The following PLCXD3 variants were observed in gnomAD, a reference collection of about 807,000 sequenced individuals.
PLCXD3 encodes phosphatidylinositol specific phospholipase C X domain containing 3.
PLCXD3 carries 19 observed loss-of-function variants against 25.5 expected under a neutral mutation model. The ratio of observed to expected loss-of-function variants is 0.75; its 90% CI spans 0.52 to 1.09. PLCXD3 has a LOEUF of 1.09. Ranked by LOEUF, PLCXD3 falls within the 50% of genes least tolerant of loss-of-function variation. PLCXD3 has a pLI of 0.00. For synonymous variants in PLCXD3, 174 were observed against 137.6 expected (o/e 1.26, Z -1.85); for missense variants, 411 against 388.1 (o/e 1.06, Z -0.50).
At chr5:41,484,037 T>G (rs961526178) in intron 1 of PLCXD3, among the ~76,000 whole-genome samples, 1 of 152,018 alleles carries the variant, frequency 6.6e-6, no homozygotes, top group African/African-American at 2.4e-5. Context: ...TGTAAGAAAA[T>G]GGAAGCAAAA....
chr5:41,410,552 C>T (rs1372372443), intron 1 of PLCXD3, among the ~76,000 whole-genome samples: 1 of 152,134 alleles, frequency 6.6e-6, no homozygotes. Flanking sequence ...ACACATGTGC[C>T]GTTTCAGATT....
intron 1 of PLCXD3, among the ~76,000 whole-genome samples, chr5:41,436,593 T>C (rs984299230): frequency 6.6e-6 from 1 of 152,152 alleles, no homozygotes; most frequent in African/African-American, 2.4e-5. Context: ...AAATTCCAAC[T>C]ATTGCAGCCC....
chr5:41,392,826 G>GT (rs1745876028), intron 1 of PLCXD3, among the ~76,000 whole-genome samples: 1 of 152,084 alleles, frequency 6.6e-6, no homozygotes, highest in South Asian at 2.1e-4. Context: ...ACACAGAGAC[G>GT]AAATTCAGAA....
At chr5:41,465,613 A>G (rs141733379) in intron 1 of PLCXD3, among the ~76,000 whole-genome samples, 1 of 151,800 alleles carries the variant, frequency 6.6e-6, no homozygotes, top group Non-Finnish European at 1.5e-5. Flanking sequence ...GAATAAAAGA[A>G]CTTGAGGTTG....
chr5:41,399,316 A>G (rs1561260866), intron 1 of PLCXD3, among the ~76,000 whole-genome samples: 1 of 152,208 alleles, frequency 6.6e-6, no homozygotes, highest in South Asian at 2.1e-4. Context: ...AATACTAATG[A>G]CATTCTTCAC....
At chr5:41,393,645 C>A (rs1290796598) in intron 1 of PLCXD3, among the ~76,000 whole-genome samples, 1 of 152,054 alleles carries the variant, frequency 6.6e-6, no homozygotes, top group African/African-American at 2.4e-5. Context: ...GGTGGCTGGG[C>A]ACGGTGGCTC....
At chr5:41,451,277 A>G (rs1747624799) in intron 1 of PLCXD3, among the ~76,000 whole-genome samples, 1 of 152,062 alleles carries the variant, frequency 6.6e-6, no homozygotes, top group East Asian at 1.9e-4. Context: ...CAAAAGTAGA[A>G]TGTTTTATAA....
chr5:41,335,290 C>T (rs753223309), intron 2 of PLCXD3, among the ~76,000 whole-genome samples: 1 of 152,108 alleles, frequency 6.6e-6, no homozygotes, highest in Non-Finnish European at 1.5e-5. Context: ...TTGCTTGGAG[C>T]AAATATCTCA....
intron 1 of PLCXD3, among the ~76,000 whole-genome samples, chr5:41,404,539 A>C (rs568952657): frequency 6.6e-6 from 1 of 152,278 alleles, no homozygotes; most frequent in Admixed American, 6.5e-5. Context: ...AAGAATATTT[A>C]CTACCATCTG....
chr5:41,421,068 T>C (rs995368287), intron 1 of PLCXD3, among the ~76,000 whole-genome samples: 2 of 152,274 alleles, frequency 1.3e-5, no homozygotes, highest in Admixed American at 6.5e-5. Flanking sequence ...ATATCTGATC[T>C]CTCAAGCCCT....
intron 1 of PLCXD3, among the ~76,000 whole-genome samples, chr5:41,395,775 C>G (rs1368726655): frequency 6.6e-6 from 1 of 152,020 alleles, no homozygotes; most frequent in Non-Finnish European, 1.5e-5. Flanking sequence ...AAAACCTGAA[C>G]AGACCAGTAA....
intron 2 of PLCXD3, among the ~76,000 whole-genome samples, chr5:41,315,531 C>T (rs895644076): frequency 6.6e-6 from 1 of 152,138 alleles, no homozygotes; most frequent in Non-Finnish European, 1.5e-5. Flanking sequence ...CATCGTCCTT[C>T]CTGCAAGGAT....
intron 1 of PLCXD3, among the ~76,000 whole-genome samples, chr5:41,469,218 A>G (rs905846394): frequency 2.6e-5 from 4 of 152,208 alleles, no homozygotes; most frequent in African/African-American, 7.2e-5. Context: ...GCTTCTTAGA[A>G]ATAAACACAA....
At chr5:41,361,470 G>C (rs1744777586) in intron 2 of PLCXD3, among the ~76,000 whole-genome samples, 1 of 152,226 alleles carries the variant, frequency 6.6e-6, no homozygotes, top group Non-Finnish European at 1.5e-5. Flanking sequence ...TGAAGCAAAA[G>C]TTCATGATGT....
At chr5:41,421,336 G>A (rs1191645899) in intron 1 of PLCXD3, among the ~76,000 whole-genome samples, 1 of 152,100 alleles carries the variant, frequency 6.6e-6, no homozygotes, top group Non-Finnish European at 1.5e-5. Flanking sequence ...GGGTAGGTAG[G>A]GTCCATGAAT....
rs577656381 is a variant in PLCXD3 at position 41,420,106 on chromosome 5, A to G, written c.104-37572T>C. On this transcript the variant is annotated intron_variant, in intron 1 of 2. Transcript: ENST00000377801. ...CCTTTTCAAAAAGTTTACAGGGTAT[A>G]AATTATAAATAAAGACAATGATTGC... 4.6e-5 allele frequency among the ~76,000 whole-genome samples: 7 copies of G among 152,334 alleles called. No homozygotes were observed. In the East Asian group the frequency reaches 1.3e-3, roughly 29 times the overall value.
intron 1 of PLCXD3, among the ~76,000 whole-genome samples, chr5:41,481,184 C>T (rs1748407629): frequency 6.6e-6 from 1 of 151,246 alleles, no homozygotes; most frequent in Non-Finnish European, 1.5e-5. Flanking sequence ...TCTCTGTCTG[C>T]CTCACCTAAT....
intron 1 of PLCXD3, among the ~76,000 whole-genome samples, chr5:41,436,171 A>G (rs1747250311): frequency 6.6e-6 from 1 of 152,032 alleles, no homozygotes; most frequent in Non-Finnish European, 1.5e-5. Flanking sequence ...AGAGTTGAAT[A>G]TTACATGTGG....
At chr5:41,351,473 T>C (rs1260343215) in intron 2 of PLCXD3, among the ~76,000 whole-genome samples, 1 of 152,120 alleles carries the variant, frequency 6.6e-6, no homozygotes, top group Non-Finnish European at 1.5e-5. Context: ...CTCCCTACTG[T>C]GGGCTTGTGG....
Sources: gnomAD v4.1 joint callset for allele counts (sites outside exome capture counted in the v4.1 genomes callset) on GRCh38, gnomAD v4.1.1 for gene constraint, MANE v1.5 for transcripts, NCBI Gene and HGNC (gene_info 2026-07-23, HGNC 2026-07-21) for gene names.